LRRFIP2: variants seen among roughly 807,000 people sequenced by gnomAD.
The protein encoded by LRRFIP2 is leucine-rich repeat flightless-interacting protein 2.
In LRRFIP2, 109 loss-of-function variants were observed where a neutral mutation model predicts 125.9. The ratio of observed to expected loss-of-function variants is 0.87; its 90% CI spans 0.74 to 1.01. The LOEUF is 1.01. Ranked by LOEUF, LRRFIP2 falls within the 50% of genes least tolerant of loss-of-function variation. The pLI is 0.00. For synonymous variants in LRRFIP2, 291 were observed against 293.1 expected (o/e 0.99, Z 0.07); for missense variants, 850 against 862.3 (o/e 0.99, Z 0.18).
chr3:37,165,857 GA>G (rs2096476574), intron 1 of LRRFIP2, among the ~76,000 whole-genome samples: 1 of 123,786 alleles, frequency 8.1e-6, no homozygotes, highest in Non-Finnish European at 1.8e-5. Context: ...AAGAAAGAAA[GA>G]GAAAGAAAGA....
chr3:37,056,343 A>G (rs2086850463), intron 25 of LRRFIP2, among the ~76,000 whole-genome samples: 1 of 152,236 alleles, frequency 6.6e-6, no homozygotes, highest in Non-Finnish European at 1.5e-5. Flanking sequence ...CAAAAGATAA[A>G]CCAAATCTAA....
At chr3:37,168,126 G>A (rs548404609) in intron 1 of LRRFIP2, among the ~76,000 whole-genome samples, 1 of 152,244 alleles carries the variant, frequency 6.6e-6, no homozygotes, top group South Asian at 2.1e-4. Context: ...AAAATATTAA[G>A]CATAGAATTA....
chr3:37,168,200 A>C (rs987114605), intron 1 of LRRFIP2, among the ~76,000 whole-genome samples: 1 of 152,196 alleles, frequency 6.6e-6, no homozygotes, highest in Non-Finnish European at 1.5e-5. Context: ...TACACAAAAG[A>C]ATTGAATGTG....
chr3:37,105,129 A>G (rs1169175362), intron 14 of LRRFIP2, among the ~76,000 whole-genome samples: 1 of 152,248 alleles, frequency 6.6e-6, no homozygotes, highest in African/African-American at 2.4e-5. Flanking sequence ...TGGAAACATT[A>G]ATTTTGCTGA....
chr3:37,153,286 G>C (rs946996016), intron 1 of LRRFIP2, among the ~76,000 whole-genome samples: 3 of 152,120 alleles, frequency 2.0e-5, no homozygotes, highest in African/African-American at 7.2e-5. Context: ...AGCTACTTGG[G>C]AGGCTGAGGT....
rs556167246 is a variant in LRRFIP2 at position 37,127,799 on chromosome 3, C to T, written c.178-119G>A. On this transcript the variant is annotated intron_variant, in intron 3 of 27. Transcript: ENST00000336686. The stretch of plus-strand genomic sequence containing the variant: ...CAATGATAGCTGACTCAAAGTTACA[C>T]ATTCAAAATACAGAAAATTAGTAAG... The T allele has an allele frequency of 1.4e-4, 101 of 745,400 alleles. No individual in the cohort carries two copies. The South Asian group carries it at 1.5e-3, about 11-fold the overall frequency. The allele number at this position is 745,400 out of a possible 1,614,324, so 46.2% of individuals were successfully genotyped here. A position where few individuals can be genotyped will look rare whatever the true frequency, so the allele number is the denominator to read the frequency against.
chr3:37,158,171 GC>G, intron 1 of LRRFIP2, among the ~76,000 whole-genome samples: 1 of 152,312 alleles, frequency 6.6e-6, no homozygotes. Context: ...TTTCTGAGAA[GC>G]AAACCACTTT....
intron 1 of LRRFIP2, among the ~76,000 whole-genome samples, chr3:37,165,858 A>G (rs2096476361): frequency 7.6e-6 from 1 of 130,738 alleles, no homozygotes; most frequent in African/African-American, 3.0e-5. Flanking sequence ...AGAAAGAAAG[A>G]GAAAGAAAGA....
intron 15 of LRRFIP2, 119 bp downstream of exon 15, chr3:37,102,801 CCAAA>C: frequency 1.5e-6 from 1 of 676,252 alleles, no homozygotes; most frequent in South Asian, 2.1e-5. Context: ...CATGCCCGGC[CCAAA>C]CAAATATTTC....
intron 2 of LRRFIP2, among the ~76,000 whole-genome samples, chr3:37,136,965 TG>T (rs2149805076): frequency 3.3e-4 from 1 of 2,992 alleles, no homozygotes; most frequent in East Asian, 7.7e-3. Context: ...TTGGGGGGGG[TG>T]GGGGGGTGGG....
At chr3:37,071,937 G>A (rs963912029) in intron 21 of LRRFIP2, among the ~76,000 whole-genome samples, 1 of 152,176 alleles carries the variant, frequency 6.6e-6, no homozygotes, top group African/African-American at 2.4e-5. Context: ...TAGCAAAACA[G>A]CAATGAAGAC....
intron 1 of LRRFIP2, among the ~76,000 whole-genome samples, chr3:37,168,816 T>C (rs1032431955): frequency 2.6e-5 from 4 of 152,192 alleles, no homozygotes; most frequent in African/African-American, 9.6e-5. Context: ...TTGCCCAGGC[T>C]GGAACGCAGT....
intron 1 of LRRFIP2, among the ~76,000 whole-genome samples, chr3:37,171,253 C>G (rs943796961): frequency 6.6e-6 from 1 of 152,162 alleles, no homozygotes; most frequent in African/African-American, 2.4e-5. Flanking sequence ...ATAACTCCCC[C>G]TTCTGTGCTT....
At chr3:37,167,739 T>TTTGGGAGGC (rs111402891) in intron 1 of LRRFIP2, among the ~76,000 whole-genome samples, 2 of 150,254 alleles carry the variant, frequency 1.3e-5, no homozygotes, top group African/African-American at 4.9e-5. Flanking sequence ...ATCCCAGCAC[T>TTTGGGAGGC]TTGGGAGGCC....
At chr3:37,165,309 A>G (rs1257563105) in intron 1 of LRRFIP2, among the ~76,000 whole-genome samples, 1 of 152,066 alleles carries the variant, frequency 6.6e-6, no homozygotes, top group Non-Finnish European at 1.5e-5. Context: ...CCTTATGAGA[A>G]TCTAATGCCT....
intron 4 of LRRFIP2, 97 bp downstream of exon 4, chr3:37,127,533 C>A: frequency 8.2e-7 from 1 of 1,223,094 alleles, no homozygotes. Flanking sequence ...ACAGGCCAAA[C>A]ACTCCTACTT....
intron 15 of LRRFIP2, among the ~76,000 whole-genome samples, chr3:37,098,762 T>C (rs1429711911): frequency 1.3e-5 from 2 of 152,176 alleles, no homozygotes. Flanking sequence ...TACACATCTA[T>C]ACTGCATTGC....
chr3:37,098,724 T>C (rs1429910337), intron 15 of LRRFIP2, among the ~76,000 whole-genome samples: 1 of 152,144 alleles, frequency 6.6e-6, no homozygotes, highest in Non-Finnish European at 1.5e-5. Flanking sequence ...ATATTGCCAA[T>C]TATTGCCATA....
At chr3:37,116,498 A>G (rs572420446) in intron 6 of LRRFIP2, among the ~76,000 whole-genome samples, 5 of 152,300 alleles carry the variant, frequency 3.3e-5, no homozygotes, top group Middle Eastern at 3.4e-3. Context: ...TGTGCAAAGT[A>G]AGTGCAAATA....
Sources: allele counts gnomAD v4.1 joint callset (sites outside exome capture counted in the v4.1 genomes callset), GRCh38; gene constraint gnomAD v4.1.1; transcripts MANE v1.5; gene names NCBI Gene and HGNC (gene_info 2026-07-23, HGNC 2026-07-21).